Variants in MYT1L observed in about 807,000 individuals in gnomAD.
MYT1L encodes the protein myelin transcription factor 1 like, also known as myelin transcription factor 1-like protein.
Under a neutral mutation model 126.7 loss-of-function variants are expected in MYT1L, and 12 were observed. The observed-to-expected ratio is 0.09, with a 90% CI of 0.06 to 0.15. MYT1L has a LOEUF of 0.15. Among genes scored for constraint, MYT1L ranks in the 10% least tolerant of loss-of-function variants. The pLI is 1.00. For synonymous variants in MYT1L, 541 were observed against 604.2 expected (o/e 0.90, Z 1.53); for missense variants, 979 against 1,585.2 (o/e 0.62, Z 6.49).
intron 9 of MYT1L, among the ~76,000 whole-genome samples, chr2:1,927,675 G>A (rs2054414676): frequency 6.6e-6 from 1 of 152,162 alleles, no homozygotes; most frequent in African/African-American, 2.4e-5. Flanking sequence ...CACAGGAGGG[G>A]ACTGTACTCC....
intron 8 of MYT1L, among the ~76,000 whole-genome samples, chr2:1,963,177 C>A (rs2059097219): frequency 6.6e-6 from 1 of 152,210 alleles, no homozygotes. Flanking sequence ...TTGTGCATCT[C>A]CACCAGTGCT....
chr2:1,867,552 G>A (rs2045742044), intron 18 of MYT1L, among the ~76,000 whole-genome samples: 2 of 152,184 alleles, frequency 1.3e-5, no homozygotes, highest in African/African-American at 2.4e-5. Context: ...TGTCAGAGGA[G>A]GATTAGGAGA....
At chr2:1,883,335 C>T (rs776981908) in intron 18 of MYT1L, among the ~76,000 whole-genome samples, 1 of 152,172 alleles carries the variant, frequency 6.6e-6, no homozygotes, top group Non-Finnish European at 1.5e-5. Context: ...AACAACGGCA[C>T]ACATATCTGG....
chr2:2,018,230 C>T (rs1469480015), intron 4 of MYT1L, among the ~76,000 whole-genome samples: 2 of 152,184 alleles, frequency 1.3e-5, no homozygotes, highest in East Asian at 3.9e-4. Flanking sequence ...ATAAGACCTT[C>T]TTGCCTAGTG....
intron 1 of MYT1L, among the ~76,000 whole-genome samples, chr2:2,311,741 C>T (rs2095974911): frequency 6.6e-6 from 1 of 152,152 alleles, no homozygotes; most frequent in African/African-American, 2.4e-5. Flanking sequence ...TGCAAGGCCT[C>T]TGTTCCCACC....
At chr2:1,903,983 C>T (rs545061686) in intron 13 of MYT1L, among the ~76,000 whole-genome samples, 3 of 152,302 alleles carry the variant, frequency 2.0e-5, no homozygotes, top group Admixed American at 1.3e-4. Context: ...ACCTCTTCAT[C>T]GGTCTAGCTC....
At position 1,922,671 on chromosome 2, in the gene MYT1L, G is replaced by A. The variant is rs1323253406; in HGVS notation, c.1098C>T (p.Asp366=). ...TTCTGTCCGGCGTCCTTCCGGGGAA[G>A]TCCTCTTCTGGCCGGACATGCTGAC... ...NIRQHVRPEE[D]FPGRTPDRNY... The change falls in exon 10 of 25, where the codon GAC becomes GAT. Residue 366 remains aspartate, a synonymous_variant. Coordinates refer to ENST00000647738, the MANE Select transcript of MYT1L (RefSeq NM_001303052.2). The surrounding 1 kb of genome is among the most constrained non-coding windows in gnomAD (Gnocchi z 7.4). 1 of 1,613,826 alleles carries A rather than the reference G, an allele frequency of 6.2e-7. No individual in the cohort carries two copies.
chr2:1,800,400 G>C (rs1290353307), intron 23 of MYT1L: 1 of 152,260 alleles, frequency 6.6e-6, no homozygotes, highest in Admixed American at 6.5e-5. Context: ...GGGGCTACCA[G>C]GTCTGTGAGA....
intron 1 of MYT1L, among the ~76,000 whole-genome samples, chr2:2,312,159 T>A (rs1042171523): frequency 6.6e-6 from 1 of 152,210 alleles, no homozygotes; most frequent in Admixed American, 6.5e-5. Flanking sequence ...TCATGCTCCC[T>A]TGGCCAGCCC....
intron 3 of MYT1L, among the ~76,000 whole-genome samples, chr2:2,090,904 A>G (rs2076850398): frequency 6.6e-6 from 1 of 152,242 alleles, no homozygotes; most frequent in Non-Finnish European, 1.5e-5. Context: ...GCAACTCCTC[A>G]TCCATTCAAG....
intron 2 of MYT1L, among the ~76,000 whole-genome samples, chr2:2,208,934 G>A (rs1434904795): frequency 6.7e-6 from 1 of 149,654 alleles, no homozygotes; most frequent in East Asian, 2.0e-4. Flanking sequence ...TCAAAATTTA[G>A]CTAATCACTT....
At position 1,822,095 on chromosome 2, in the gene MYT1L, C is replaced by G. The variant is rs1387905285; in HGVS notation, c.3081-12928G>C. On this transcript the variant is annotated intron_variant, in intron 21 of 24. Coordinates refer to ENST00000647738, the MANE Select transcript of MYT1L (RefSeq NM_001303052.2). ...TCACTCCTCTTTTTCTGGGTTCTTT[C>G]TTCACTCTTTCTCTCCACCCCCATC... 3.9e-5 allele frequency among the ~76,000 whole-genome samples: 6 copies of G among 152,276 alleles called. No homozygotes were observed. The East Asian group carries it at 1.2e-3, about 29-fold the overall frequency.
At chr2:1,982,280 C>T (rs1006417953) in intron 5 of MYT1L, among the ~76,000 whole-genome samples, 8 of 152,094 alleles carry the variant, frequency 5.3e-5, no homozygotes, top group South Asian at 2.1e-4. Context: ...TTCACATCCA[C>T]GAGAAATGGC....
chr2:1,797,498 G>C (rs1448850504), intron 23 of MYT1L, among the ~76,000 whole-genome samples: 1 of 152,176 alleles, frequency 6.6e-6, no homozygotes, highest in South Asian at 2.1e-4. Context: ...GGGATTACAG[G>C]CGTGAGCCAC....
intron 4 of MYT1L, among the ~76,000 whole-genome samples, chr2:2,044,806 A>G (rs1034816956): frequency 6.6e-6 from 1 of 152,132 alleles, no homozygotes; most frequent in Non-Finnish European, 1.5e-5. Flanking sequence ...AATTCAGCTC[A>G]CAACAAGGAC....
intron 4 of MYT1L, among the ~76,000 whole-genome samples, chr2:2,041,486 G>A (rs1249275259): frequency 1.3e-5 from 2 of 152,188 alleles, no homozygotes. Flanking sequence ...ATTGGGTCAT[G>A]CTATATTTAC....
chr2:1,886,018 T>C (rs2048129527), intron 18 of MYT1L, among the ~76,000 whole-genome samples: 1 of 152,254 alleles, frequency 6.6e-6, no homozygotes, highest in Non-Finnish European at 1.5e-5. Flanking sequence ...GTGTGTCTGG[T>C]TGAATTCCAT....
chr2:1,966,417 A>G (rs1401943689), intron 8 of MYT1L, among the ~76,000 whole-genome samples: 2 of 152,232 alleles, frequency 1.3e-5, no homozygotes, highest in Non-Finnish European at 2.9e-5. Context: ...TATGATCTAC[A>G]GTAGGATAAC....
At chr2:2,003,149 G>A (rs964528758) in intron 4 of MYT1L, among the ~76,000 whole-genome samples, 3 of 152,030 alleles carry the variant, frequency 2.0e-5, no homozygotes, top group South Asian at 2.1e-4. Flanking sequence ...CCTGAGTCCC[G>A]TTCCCATTTC....
Sources: allele counts gnomAD v4.1 joint callset (sites outside exome capture counted in the v4.1 genomes callset), GRCh38; gene constraint gnomAD v4.1.1; non-coding constraint Gnocchi (gnomAD v3.1); transcripts MANE v1.5; gene names NCBI Gene and HGNC (gene_info 2026-07-23, HGNC 2026-07-21).